ARID2: variants seen among roughly 807,000 people sequenced by gnomAD.
ARID2 encodes the protein AT-rich interaction domain 2, also known as AT-rich interactive domain-containing protein 2.
In ARID2, 32 loss-of-function variants were observed where a neutral mutation model predicts 184.6. The observed-to-expected ratio is 0.17, with a 90% CI of 0.13 to 0.23. The LOEUF is 0.23. Ranked by LOEUF, ARID2 falls within the 10% of genes least tolerant of loss-of-function variation. ARID2 has a pLI of 1.00. For missense variants in ARID2, 1,696 were observed against 2,197.6 expected (o/e 0.77, Z 4.56); for synonymous variants, 836 against 772.6 (o/e 1.08, Z -1.36).
intron 6 of ARID2, among the ~76,000 whole-genome samples, chr12:45,827,997 T>C (rs1943034589): frequency 6.6e-6 from 1 of 152,094 alleles, no homozygotes; most frequent in Middle Eastern, 3.2e-3. Context: ...ATATTATCTT[T>C]TTTGGACTCC....
At chr12:45,743,266 G>C (rs1941296337) in intron 3 of ARID2, among the ~76,000 whole-genome samples, 1 of 152,056 alleles carries the variant, frequency 6.6e-6, no homozygotes, top group Non-Finnish European at 1.5e-5. Flanking sequence ...CTACTCGGGA[G>C]GCTGAAGCAG....
At position 45,894,986 on chromosome 12, in the gene ARID2, G is replaced by A. The variant is rs181494267; in HGVS notation, c.5363+1265G>A. Reference sequence around the variant, plus strand: ...CTGCCTAGAATGCCCTCCTCCCTGCGTTGCCCACCTATTGAATATCTGCTT... The same window carrying A: ...CTGCCTAGAATGCCCTCCTCCCTGCATTGCCCACCTATTGAATATCTGCTT... On this transcript the variant is annotated intron_variant, in intron 20 of 20. Transcript: ENST00000334344. Among the ~76,000 whole-genome samples the A allele has an allele frequency of 7.9e-5, 12 of 152,034 alleles. No individual in the cohort carries two copies. The East Asian group carries it at 1.2e-3, about 15-fold the overall frequency.
intron 15 of ARID2, among the ~76,000 whole-genome samples, chr12:45,859,899 A>C (rs1174779135): frequency 1.3e-5 from 2 of 152,060 alleles, no homozygotes; most frequent in Non-Finnish European, 2.9e-5. Context: ...ACGCCTGGCT[A>C]ATTTTTGTTT....
At chr12:45,783,748 C>G (rs1942141406) in intron 3 of ARID2, among the ~76,000 whole-genome samples, 1 of 152,178 alleles carries the variant, frequency 6.6e-6, no homozygotes, top group African/African-American at 2.4e-5. Flanking sequence ...CAGCCCGGTT[C>G]CTAACAGGTC....
chr12:45,808,346 C>T (rs1231900632), intron 3 of ARID2, among the ~76,000 whole-genome samples: 3 of 152,226 alleles, frequency 2.0e-5, no homozygotes, highest in Non-Finnish European at 4.4e-5. Flanking sequence ...AATCTTTTTG[C>T]ATCTCAGTTG....
rs549364440 is a variant in ARID2, at chr12:45,822,160, T to G, written c.705+673T>G. ...AAGTATGATTACTCTTCATTCTTGCTGCAACTTCAGCTAAAATTTCTAAAT... is the reference window on the plus strand; with the variant it reads ...AAGTATGATTACTCTTCATTCTTGCGGCAACTTCAGCTAAAATTTCTAAAT... On this transcript the variant is annotated intron_variant, in intron 6 of 20. Transcript: ENST00000334344. Among the ~76,000 whole-genome samples, 12 of 152,276 alleles carry G rather than the reference T, an allele frequency of 7.9e-5. No individual in the cohort carries two copies. The South Asian group carries it at 2.5e-3, about 32-fold the overall frequency.
rs557997576 is a variant in ARID2 at position 45,886,377 on chromosome 12, G to GCC, written c.4923-5396_4923-5395dup. 2.2e-3 allele frequency among the ~76,000 whole-genome samples: 331 copies of GCC among 152,042 alleles called. 2 individuals are homozygous for GCC. The highest frequency in any genetic ancestry group is 7.6e-3 in the African/African-American group (315 of 41,452). On this transcript the variant is annotated intron_variant, in intron 16 of 20. Transcript: ENST00000334344. ...CCCCTGTGGCTTTGCAGGATACAGT[G>GCC]CCCCCCCCGGTCAGCTGCCATCATG...
chr12:45,834,232 A>G (rs865997412), intron 6 of ARID2, among the ~76,000 whole-genome samples: 2 of 152,040 alleles, frequency 1.3e-5, no homozygotes, highest in Non-Finnish European at 1.5e-5. Context: ...TAGTCACTTG[A>G]AAGTATTTTT....
chr12:45,901,316 G>T (rs141626386), intron 20 of ARID2, among the ~76,000 whole-genome samples: 1,535 of 150,908 alleles, frequency 0.01, 26 homozygotes, highest in African/African-American at 0.036. Context: ...GACTACAGGC[G>T]CCCACCACCA....
At chr12:45,860,404 CA>C (rs1252217408) in intron 15 of ARID2, among the ~76,000 whole-genome samples, 3 of 152,036 alleles carry the variant, frequency 2.0e-5, no homozygotes, top group Non-Finnish European at 4.4e-5. Flanking sequence ...TAAAAGTAAA[CA>C]TACAAAAAAG....
At chr12:45,775,365 C>T (rs1046344285) in intron 3 of ARID2, among the ~76,000 whole-genome samples, 3 of 152,178 alleles carry the variant, frequency 2.0e-5, no homozygotes, top group African/African-American at 4.8e-5. Context: ...GGGATTTTAT[C>T]TAAGAGGCTT....
At position 45,787,713 on chromosome 12, in the gene ARID2, A is replaced by T. The variant is rs75758842; in HGVS notation, c.285-23705A>T. 8.8e-3 allele frequency among the ~76,000 whole-genome samples: 1,341 copies of T among 152,310 alleles called. 19 individuals are homozygous for T. The highest frequency in any genetic ancestry group is 0.031 in the African/African-American group (1,277 of 41,570). On this transcript the variant is annotated intron_variant, in intron 3 of 20. Coordinates refer to ENST00000334344, the MANE Select transcript of ARID2 (RefSeq NM_152641.4). ...TTTAAACTGTAAACTTTTTAAATGA[A>T]TAGACATAAAACTAGGCTGTTAGTA...
intron 13 of ARID2, among the ~76,000 whole-genome samples, chr12:45,849,361 G>C (rs1208568315): frequency 1.3e-5 from 2 of 152,156 alleles, no homozygotes; most frequent in African/African-American, 4.8e-5. Context: ...GGGTGGAATT[G>C]TTTAAAACCC....
At chr12:45,813,127 T>C (rs984286187) in intron 4 of ARID2, among the ~76,000 whole-genome samples, 1 of 152,134 alleles carries the variant, frequency 6.6e-6, no homozygotes, top group Non-Finnish European at 1.5e-5. Context: ...CTATTATATG[T>C]GTGATTTGTT....
At chr12:45,860,690 A>G in intron 15 of ARID2, 111 bp from the exon 16 acceptor site, 1 of 978,118 alleles carries the variant, frequency 1.0e-6, no homozygotes, top group South Asian at 5.1e-5. Context: ...ATAAAATGTA[A>G]ATTTTATGGT....
At chr12:45,861,075 C>A in intron 16 of ARID2, 126 bp downstream of exon 16, 1 of 789,250 alleles carries the variant, frequency 1.3e-6, no homozygotes, top group Non-Finnish European at 1.8e-6. Context: ...AGCGAAACTA[C>A]AAGAGTTATA....
At chr12:45,787,637 TTTACTAATC>T (rs1942220784) in intron 3 of ARID2, among the ~76,000 whole-genome samples, 1 of 152,198 alleles carries the variant, frequency 6.6e-6, no homozygotes, top group Non-Finnish European at 1.5e-5. Flanking sequence ...CTATAATGCC[TTTACTAATC>T]TTATTTTTAA....
chr12:45,750,629 CA>C (rs1373432415), intron 3 of ARID2, among the ~76,000 whole-genome samples: 1 of 152,080 alleles, frequency 6.6e-6, no homozygotes, highest in Non-Finnish European at 1.5e-5. Flanking sequence ...AGGGATTTTG[CA>C]AAGTAACTAC....
intron 3 of ARID2, among the ~76,000 whole-genome samples, chr12:45,783,333 A>G (rs1942132634): frequency 6.6e-6 from 1 of 152,206 alleles, no homozygotes; most frequent in South Asian, 2.1e-4. Flanking sequence ...TGAAAAATAT[A>G]TCATAACATG....
Sources: allele counts gnomAD v4.1 joint callset (sites outside exome capture counted in the v4.1 genomes callset), GRCh38; gene constraint gnomAD v4.1.1; transcripts MANE v1.5; gene names NCBI Gene and HGNC (gene_info 2026-07-23, HGNC 2026-07-21).